Variants in DAP3 observed in about 807,000 individuals in gnomAD.
DAP3 encodes death associated protein 3.
DAP3 carries 28 observed loss-of-function variants against 51.9 expected under a neutral mutation model. The observed-to-expected ratio is 0.54, with a 90% confidence interval of 0.40 to 0.74. The LOEUF is 0.74. Ranked by LOEUF, DAP3 falls within the 30% of genes least tolerant of loss-of-function variation. The pLI is 0.00. For synonymous variants in DAP3, 170 were observed against 170.3 expected (o/e 1.00, Z 0.01); for missense variants, 458 against 483.5 (o/e 0.95, Z 0.49).
rs771793968 is a variant in DAP3 at position 155,725,999 on chromosome 1, T to C, written c.452T>C (p.Leu151Pro). 1 of 1,614,108 alleles carries C rather than the reference T, an allele frequency of 6.2e-7. No individual in the cohort carries two copies. The highest frequency in any genetic ancestry group is 2.2e-5 in the East Asian group (1 of 44,874). ...VIHFCAKQDW[L>P]ILHIPDAHLW... is the part of the protein sequence containing the mutation. ...CATTTCTGTGCAAAACAGGACTGGCTGATACTACATATTCCAGATGGTAAG... is the reference window on the plus strand; with the variant it reads ...CATTTCTGTGCAAAACAGGACTGGCCGATACTACATATTCCAGATGGTAAG... Residue 151 changes from leucine to proline, a missense_variant, in exon 6 of 13, where the codon CTG (leucine) becomes CCG (proline). By Grantham distance (98) the Leu-to-Pro change is moderately conservative. Coordinates refer to ENST00000368336, the MANE Select transcript of DAP3 (RefSeq NM_004632.4).
At chr1:155,688,666 G>A, upstream of DAP3, 1 of 1,533,016 alleles carries the variant, frequency 6.5e-7, no homozygotes, top group Non-Finnish European at 8.7e-7. Flanking sequence ...TACCTTCAGC[G>A]GCGCGAGCCC....
At chr1:155,688,104 G>A (rs149875937), upstream of DAP3, 14 of 1,609,110 alleles carry the variant, frequency 8.7e-6, no homozygotes, top group South Asian at 1.1e-5. Context: ...AGAGTACAGG[G>A]AAGTGAGGAA....
intron 2 of DAP3, among the ~76,000 whole-genome samples, chr1:155,712,798 G>T (rs348202): frequency 6.6e-6 from 1 of 151,940 alleles, no homozygotes; most frequent in Non-Finnish European, 1.5e-5. Context: ...TAACAAAAAT[G>T]TCATCACATT....
At chr1:155,707,716 T>C (rs1006501984) in intron 1 of DAP3, among the ~76,000 whole-genome samples, 2 of 152,190 alleles carry the variant, frequency 1.3e-5, no homozygotes, top group African/African-American at 4.8e-5. Context: ...ACCATTATTC[T>C]AAATGTTGTT....
intron 1 of DAP3, among the ~76,000 whole-genome samples, chr1:155,691,525 C>T (rs1653819163): frequency 7.1e-6 from 1 of 141,690 alleles, no homozygotes; most frequent in African/African-American, 3.2e-5. Context: ...CACTTTTTGG[C>T]TCTTATGCAT....
At chr1:155,723,221 A>G (rs1051178751) in intron 4 of DAP3, among the ~76,000 whole-genome samples, 3 of 152,072 alleles carry the variant, frequency 2.0e-5, no homozygotes, top group African/African-American at 7.2e-5. Context: ...TGGCGTGACC[A>G]CAGCCCACAG....
At chr1:155,705,117 C>T (rs1054613713) in intron 1 of DAP3, among the ~76,000 whole-genome samples, 1 of 148,088 alleles carries the variant, frequency 6.8e-6, no homozygotes, top group African/African-American at 2.5e-5. Context: ...CATAATGAGA[C>T]TCTGTCTCTA....
chr1:155,725,915 C>T lies in DAP3; in HGVS notation c.380-12C>T, dbSNP rs763872347. 1 of 1,610,980 alleles carries T rather than the reference C, an allele frequency of 6.2e-7. No individual in the cohort carries two copies. Among genetic ancestry groups the T allele is most frequent in the South Asian group, 1.1e-5 (1 of 90,928 alleles). On this transcript the variant is annotated splice_polypyrimidine_tract_variant and intron_variant, in intron 5 of 12. Transcript: ENST00000368336. The stretch of plus-strand genomic sequence containing the variant: ...CTTCCAGTCATGTTTTCTTTAACAA[C>T]ATATACTTTAGATGGAGAGAAGGGA...
intron 4 of DAP3, among the ~76,000 whole-genome samples, chr1:155,722,174 G>A (rs967390625): frequency 2.6e-5 from 4 of 152,202 alleles, no homozygotes; most frequent in Non-Finnish European, 4.4e-5. Context: ...GGGAGGCCAA[G>A]GTGGAAGGAT....
chr1:155,710,252 C>CA (rs1329909635), intron 2 of DAP3: 5 of 146,066 alleles, frequency 3.4e-5, no homozygotes, highest in Non-Finnish European at 5.8e-5. Flanking sequence ...TTTTTTGAGA[C>CA]AGAGTCTCGC....
At chr1:155,730,717 T>C (rs1206456658) in intron 9 of DAP3, among the ~76,000 whole-genome samples, 1 of 152,234 alleles carries the variant, frequency 6.6e-6, no homozygotes, top group Non-Finnish European at 1.5e-5. Context: ...GAGTATGTTG[T>C]GGAAAGAGAA....
chr1:155,688,528 C>A, upstream of DAP3: 2 of 1,544,422 alleles, frequency 1.3e-6, no homozygotes, highest in South Asian at 1.2e-5. Context: ...CTGCTCCCAC[C>A]AACCACCACC....
At chr1:155,734,288 G>A (rs1225142475) in intron 11 of DAP3, among the ~76,000 whole-genome samples, 1 of 152,024 alleles carries the variant, frequency 6.6e-6, no homozygotes, top group Non-Finnish European at 1.5e-5. Flanking sequence ...GCTCACTGTA[G>A]CCTTGAGCAC....
At chr1:155,688,735 A>G (rs1653145791), upstream of DAP3, 10 of 1,515,094 alleles carry the variant, frequency 6.6e-6, no homozygotes, top group Non-Finnish European at 8.8e-6. Context: ...ACGGCCACCA[A>G]CCGCCGCCAA....
chr1:155,688,595 G>A, upstream of DAP3: 4 of 1,535,938 alleles, frequency 2.6e-6, no homozygotes, highest in Non-Finnish European at 3.5e-6. Context: ...GAACCTCCTC[G>A]CCCAGTTCTC....
At chr1:155,714,625 C>T (rs1189971160) in intron 2 of DAP3, among the ~76,000 whole-genome samples, 3 of 151,912 alleles carry the variant, frequency 2.0e-5, no homozygotes, top group African/African-American at 4.8e-5. Context: ...ATTAGTCAGG[C>T]GTGATGGCGG....
chr1:155,700,520 G>A (rs972082746), intron 1 of DAP3, among the ~76,000 whole-genome samples: 9 of 148,942 alleles, frequency 6.0e-5, no homozygotes, highest in African/African-American at 2.0e-4. Flanking sequence ...GAGGTGGGGG[G>A]GGCGGTCAGC....
Position 155,712,008 on chromosome 1 carries a change from T to C in DAP3, c.45+2184T>C, listed in dbSNP as rs542058308. ...TATTCTAGCTGCCCTGGCAGGTGATTAGATGGTGTCCACCCACACTGAGGG... is the reference window on the plus strand; with the variant it reads ...TATTCTAGCTGCCCTGGCAGGTGATCAGATGGTGTCCACCCACACTGAGGG... On this transcript the variant is annotated intron_variant, in intron 2 of 12. Transcript: ENST00000368336. Among the ~76,000 whole-genome samples, 179 of 151,448 alleles carry C rather than the reference T, an allele frequency of 1.2e-3. 2 individuals carry two copies. Among genetic ancestry groups the C allele is most frequent in the African/African-American group, 4.2e-3 (172 of 41,018 alleles).
chr1:155,700,601 G>A (rs1346073783), intron 1 of DAP3, among the ~76,000 whole-genome samples: 6 of 147,472 alleles, frequency 4.1e-5, no homozygotes, highest in Non-Finnish European at 1.5e-5. Context: ...CAGCCGCCCC[G>A]TCCGGGAGGT....
Sources: allele counts gnomAD v4.1 joint callset (sites outside exome capture counted in the v4.1 genomes callset), GRCh38; gene constraint gnomAD v4.1.1; transcripts MANE v1.5; gene names NCBI Gene and HGNC (gene_info 2026-07-23, HGNC 2026-07-21).